SLC4A10: variants seen among roughly 807,000 people sequenced by gnomAD.
SLC4A10 encodes sodium-driven chloride bicarbonate exchanger.
In SLC4A10, 42 loss-of-function variants were observed where a neutral mutation model predicts 137.7. That is an observed-to-expected ratio of 0.30 (90% CI 0.24 to 0.39). The LOEUF is 0.39. Among genes scored for constraint, SLC4A10 ranks in the 10% least tolerant of loss-of-function variants. The pLI is 1.00. For synonymous variants in SLC4A10, 474 were observed against 464.1 expected (o/e 1.02, Z -0.27); for missense variants, 925 against 1,355.0 (o/e 0.68, Z 4.98).
chr2:161,960,363 C>CAAAAA (rs369670130), intron 21 of SLC4A10, among the ~76,000 whole-genome samples: 15 of 45,904 alleles, frequency 3.3e-4, no homozygotes, highest in South Asian at 1.8e-3. Context: ...GACTCTGTCT[C>CAAAAA]AAAAAAAAAA....
At chr2:161,646,415 A>G (rs542980033) in intron 1 of SLC4A10, among the ~76,000 whole-genome samples, 1 of 152,148 alleles carries the variant, frequency 6.6e-6, no homozygotes, top group South Asian at 2.1e-4. Context: ...AATATGCTAA[A>G]AATAAAGCAA....
chr2:161,858,039 A>G (rs922944997), intron 5 of SLC4A10, among the ~76,000 whole-genome samples: 1 of 152,010 alleles, frequency 6.6e-6, no homozygotes, highest in Admixed American at 6.6e-5. Context: ...CTGTTTCATG[A>G]TCATTTGTGG....
At chr2:161,674,310 T>C (rs968302387) in intron 1 of SLC4A10, among the ~76,000 whole-genome samples, 7 of 152,178 alleles carry the variant, frequency 4.6e-5, no homozygotes, top group African/African-American at 1.4e-4. Context: ...CCTCACAGCA[T>C]TGTGAAGTAG....
At chr2:161,647,113 G>A (rs762072727) in intron 1 of SLC4A10, among the ~76,000 whole-genome samples, 19 of 151,922 alleles carry the variant, frequency 1.3e-4, no homozygotes, top group Non-Finnish European at 1.8e-4. Context: ...AACTGTTAAC[G>A]AAATCTGTTA....
intron 1 of SLC4A10, among the ~76,000 whole-genome samples, chr2:161,636,108 A>G (rs934438070): frequency 6.6e-6 from 1 of 152,138 alleles, no homozygotes; most frequent in Non-Finnish European, 1.5e-5. Context: ...CTAGATACTC[A>G]TCAGACATGT....
intron 12 of SLC4A10, 116 bp from the exon 13 acceptor site, chr2:161,903,888 C>A: frequency 9.8e-7 from 1 of 1,023,816 alleles, no homozygotes. Context: ...TAATGTGTGT[C>A]TCACCTCTGC....
At chr2:161,861,651 T>C (rs1293930375) in intron 5 of SLC4A10, among the ~76,000 whole-genome samples, 2 of 152,180 alleles carry the variant, frequency 1.3e-5, no homozygotes, top group Admixed American at 1.3e-4. Flanking sequence ...ATCTACATTA[T>C]GAAAATTACA....
intron 1 of SLC4A10, among the ~76,000 whole-genome samples, chr2:161,751,977 A>G (rs887451357): frequency 6.6e-6 from 1 of 151,950 alleles, no homozygotes; most frequent in Admixed American, 6.6e-5. Flanking sequence ...TGATTAGTTT[A>G]GCTAGAGGCC....
intron 12 of SLC4A10, among the ~76,000 whole-genome samples, chr2:161,901,515 T>G (rs1683108433): frequency 6.6e-6 from 1 of 152,194 alleles, no homozygotes; most frequent in African/African-American, 2.4e-5. Flanking sequence ...TTTCTTAAAA[T>G]GGTGCTTCAT....
At chr2:161,696,232 G>A (rs1250360232) in intron 1 of SLC4A10, among the ~76,000 whole-genome samples, 1 of 151,920 alleles carries the variant, frequency 6.6e-6, no homozygotes, top group Non-Finnish European at 1.5e-5. Flanking sequence ...TCCCTACAAA[G>A]GACAAGAACT....
chr2:161,925,551 C>G (rs1471898120), intron 15 of SLC4A10, among the ~76,000 whole-genome samples: 1 of 151,942 alleles, frequency 6.6e-6, no homozygotes, highest in Non-Finnish European at 1.5e-5. Flanking sequence ...CTCTATTTCC[C>G]TCAGTTCTGC....
At position 161,697,799 on chromosome 2, in the gene SLC4A10, G is replaced by A. The variant is rs896094934; in HGVS notation, c.49-73174G>A. Reference sequence around the variant, plus strand: ...GACTTGGTGATGCGGACTCTTTTTTGGTTCCATATGAACTTTAAAGTAGTT... The same window carrying A: ...GACTTGGTGATGCGGACTCTTTTTTAGTTCCATATGAACTTTAAAGTAGTT... On this transcript the variant is annotated intron_variant, in intron 1 of 26. Transcript: ENST00000446997. 5.9e-5 allele frequency among the ~76,000 whole-genome samples: 9 copies of A among 152,108 alleles called. 1 individual carries two copies. The highest frequency in any genetic ancestry group is 8.8e-5 in the Non-Finnish European group (6 of 68,020).
chr2:161,874,448 A>G (rs770352412), intron 8 of SLC4A10, among the ~76,000 whole-genome samples: 2 of 152,230 alleles, frequency 1.3e-5, no homozygotes, highest in Admixed American at 6.5e-5. Context: ...GCAGCCTTCA[A>G]GAATACTTCA....
intron 3 of SLC4A10, among the ~76,000 whole-genome samples, chr2:161,817,887 G>T (rs566846069): frequency 6.6e-6 from 1 of 151,874 alleles, no homozygotes; most frequent in East Asian, 1.9e-4. Flanking sequence ...CTGTAGCCTT[G>T]TAGTATAGTT....
intron 1 of SLC4A10, among the ~76,000 whole-genome samples, chr2:161,660,814 C>T (rs530064186): frequency 2.9e-4 from 44 of 151,408 alleles, no homozygotes; most frequent in African/African-American, 1.0e-3. Flanking sequence ...CCACCACACC[C>T]AGCTAATTTT....
intron 5 of SLC4A10, among the ~76,000 whole-genome samples, chr2:161,860,525 T>C (rs2060378205): frequency 6.6e-6 from 1 of 152,204 alleles, no homozygotes; most frequent in Admixed American, 6.5e-5. Context: ...TTATGAAGTA[T>C]ATGCATATTT....
chr2:161,844,652 A>G (rs1439494008), intron 4 of SLC4A10, among the ~76,000 whole-genome samples: 1 of 152,156 alleles, frequency 6.6e-6, no homozygotes, highest in Non-Finnish European at 1.5e-5. Context: ...GTGAGAATAG[A>G]ACACCCAGAA....
At chr2:161,624,590 T>C in intron 1 of SLC4A10, 24 bp downstream of exon 1, 3 of 1,551,722 alleles carry the variant, frequency 1.9e-6, no homozygotes, top group Non-Finnish European at 1.7e-6. Context: ...TGCTATCACA[T>C]AGATTAACCG....
intron 1 of SLC4A10, among the ~76,000 whole-genome samples, chr2:161,735,691 T>C (rs370061170): frequency 7.9e-5 from 12 of 152,262 alleles, no homozygotes; most frequent in East Asian, 3.9e-4. Context: ...CAACCCTTCG[T>C]AGAATGGCCA....
Sources: gnomAD v4.1 joint callset for allele counts (sites outside exome capture counted in the v4.1 genomes callset) on GRCh38, gnomAD v4.1.1 for gene constraint, MANE v1.5 for transcripts, NCBI Gene and HGNC (gene_info 2026-07-23, HGNC 2026-07-21) for gene names.